Variants in GABRB3 observed in about 807,000 individuals in gnomAD.
GABRB3 encodes gamma-aminobutyric acid type A receptor subunit beta3.
In GABRB3, 14 loss-of-function variants were observed where a neutral mutation model predicts 52.1. The ratio of observed to expected loss-of-function variants is 0.27; its 90% CI spans 0.18 to 0.42. GABRB3 has a LOEUF of 0.42. GABRB3 is among the 10% of genes least tolerant of loss of function. The probability of loss-of-function intolerance (pLI) is 1.00; values close to 1 mark genes in which losing one functional copy is unlikely to be tolerated. For missense variants in GABRB3, 307 were observed against 609.1 expected, an observed-to-expected ratio of 0.50 and a Z score of 5.22; for synonymous variants, 260 against 232.3, an observed-to-expected ratio of 1.12 and a Z score of -1.08.
intron 1 of GABRB3, 39 bp from the exon 2 acceptor site, chr15:26,772,811 G>A (rs1447221233): frequency 4.7e-6 from 7 of 1,504,166 alleles, no homozygotes; most frequent in Middle Eastern, 1.8e-4. Context: ...CGGGGTCAGG[G>A]GCGGCTCAGC....
At chr15:26,664,948 C>T (rs1304281611) in intron 3 of GABRB3, among the ~76,000 whole-genome samples, 1 of 151,990 alleles carries the variant, frequency 6.6e-6, no homozygotes, top group Non-Finnish European at 1.5e-5. Flanking sequence ...GATCCACCCA[C>T]CTTGGCCTCC....
chr15:26,647,125 G>A (rs985567312), intron 3 of GABRB3, among the ~76,000 whole-genome samples: 3 of 152,190 alleles, frequency 2.0e-5, no homozygotes, highest in Non-Finnish European at 4.4e-5. Context: ...TTACAGGCAT[G>A]AGCCACTGCA....
At chr15:26,673,816 G>A (rs1887973075) in intron 3 of GABRB3, among the ~76,000 whole-genome samples, 1 of 152,178 alleles carries the variant, frequency 6.6e-6, no homozygotes, top group Non-Finnish European at 1.5e-5. Flanking sequence ...TCTTGGAATG[G>A]AATAGAGCTA....
intron 3 of GABRB3, among the ~76,000 whole-genome samples, chr15:26,764,183 T>A (rs1482556326): frequency 0.022 from 100 of 4,510 alleles, 3 homozygotes; most frequent in African/African-American, 0.065. Context: ...AAAAAAAATA[T>A]ATATATATAT....
chr15:26,678,529 A>G (rs1390521809), intron 3 of GABRB3, among the ~76,000 whole-genome samples: 3 of 152,108 alleles, frequency 2.0e-5, no homozygotes, highest in South Asian at 2.1e-4. Flanking sequence ...AGAGGGAGAA[A>G]GAGAGCAACA....
At chr15:26,554,190 A>AAAGTATATATATATATAAAGTATATAT (rs1567097853) in intron 8 of GABRB3, among the ~76,000 whole-genome samples, 2 of 31,532 alleles carry the variant, frequency 6.3e-5, no homozygotes, top group African/African-American at 8.5e-5. Flanking sequence ...ATATATATAT[A>AAAGTATATATATATATAAAGTATATAT]CTATATATAT....
chr15:26,699,240 T>C (rs972725884), intron 3 of GABRB3, among the ~76,000 whole-genome samples: 3 of 152,146 alleles, frequency 2.0e-5, no homozygotes, highest in African/African-American at 7.2e-5. Context: ...TCAGTAATAG[T>C]AATGATTAAA....
At chr15:26,586,686 C>CAAAAAAA (rs1179931462) in intron 4 of GABRB3, among the ~76,000 whole-genome samples, 1 of 98,686 alleles carries the variant, frequency 1.0e-5, no homozygotes, top group African/African-American at 4.2e-5. Context: ...GACTCCATCT[C>CAAAAAAA]AAAAAAAAAA....
intron 3 of GABRB3, among the ~76,000 whole-genome samples, chr15:26,697,074 C>G (rs1490944553): frequency 6.6e-6 from 1 of 152,164 alleles, no homozygotes; most frequent in African/African-American, 2.4e-5. Context: ...TTGCAACATA[C>G]AAGTCTCTTC....
intron 3 of GABRB3, among the ~76,000 whole-genome samples, chr15:26,771,655 T>G (rs1462152312): frequency 6.6e-6 from 1 of 152,182 alleles, no homozygotes; most frequent in East Asian, 1.9e-4. Flanking sequence ...GCTTCGCACC[T>G]CGGGGTACTG....
intron 3 of GABRB3, chr15:26,629,219 G>GGCCTGGAAAGGAGGGCAGC: frequency 7.0e-7 from 1 of 1,425,564 alleles, no homozygotes. Context: ...TCAGGGGCGG[G>GGCCTGGAAAGGAGGGCAGC]GCCTGGAAAG....
intron 6 of GABRB3, among the ~76,000 whole-genome samples, chr15:26,577,634 G>A (rs1352056514): frequency 1.3e-5 from 2 of 152,204 alleles, no homozygotes; most frequent in African/African-American, 4.8e-5. Flanking sequence ...GTCATCTGCA[G>A]GGGGAGAAAA....
At chr15:26,715,468 C>G (rs375750618) in intron 3 of GABRB3, among the ~76,000 whole-genome samples, 4 of 151,874 alleles carry the variant, frequency 2.6e-5, no homozygotes, top group African/African-American at 9.7e-5. Flanking sequence ...AAAACCCACA[C>G]GATGTAATAA....
intron 3 of GABRB3, among the ~76,000 whole-genome samples, chr15:26,673,470 A>G (rs1225404628): frequency 6.6e-6 from 1 of 152,172 alleles, no homozygotes; most frequent in Non-Finnish European, 1.5e-5. Context: ...GTTCACCTAA[A>G]ATTTCGCTTC....
At chr15:26,749,633 T>C (rs1274846549) in intron 3 of GABRB3, among the ~76,000 whole-genome samples, 1 of 152,226 alleles carries the variant, frequency 6.6e-6, no homozygotes, top group Admixed American at 6.5e-5. Flanking sequence ...GCTTGACTGC[T>C]GAAACGAGGA....
intron 3 of GABRB3, among the ~76,000 whole-genome samples, chr15:26,633,407 A>G (rs572227860): frequency 1.3e-5 from 2 of 152,174 alleles, no homozygotes; most frequent in Admixed American, 6.6e-5. Flanking sequence ...ACCTTTAGAA[A>G]ACCCCATCCT....
At chr15:26,561,885 G>T (rs1890002148) in intron 7 of GABRB3, among the ~76,000 whole-genome samples, 1 of 152,136 alleles carries the variant, frequency 6.6e-6, no homozygotes, top group Admixed American at 6.5e-5. Context: ...TCAAGTTAAG[G>T]GTTAATGATT....
intron 3 of GABRB3, among the ~76,000 whole-genome samples, chr15:26,652,641 C>A (rs958975929): frequency 6.6e-6 from 1 of 152,058 alleles, no homozygotes; most frequent in Non-Finnish European, 1.5e-5. Context: ...TGGAAATAGT[C>A]AACAGCAAGT....
At chr15:26,588,890 A>G (rs1054760191) in intron 4 of GABRB3, among the ~76,000 whole-genome samples, 1 of 152,224 alleles carries the variant, frequency 6.6e-6, no homozygotes, top group Non-Finnish European at 1.5e-5. Flanking sequence ...CAAATAATAC[A>G]TGTCTAAAGA....
Sources: gnomAD v4.1 joint callset for allele counts (sites outside exome capture counted in the v4.1 genomes callset) on GRCh38, gnomAD v4.1.1 for gene constraint, MANE v1.5 for transcripts, NCBI Gene and HGNC (gene_info 2026-07-23, HGNC 2026-07-21) for gene names.